The following NTNG1 variants were observed in gnomAD, a reference collection of about 807,000 sequenced individuals.
The protein encoded by NTNG1 is netrin-G1.
NTNG1 carries 16 observed loss-of-function variants against 54.0 expected under a neutral mutation model. The ratio of observed to expected loss-of-function variants is 0.30; its 90% CI spans 0.20 to 0.45. The LOEUF (loss-of-function observed/expected upper bound fraction) is 0.45, where lower values mean the gene tolerates loss of function less well. Ranked by LOEUF, NTNG1 falls within the 20% of genes least tolerant of loss-of-function variation. NTNG1 has a pLI of 1.00. For synonymous variants in NTNG1, 255 were observed against 263.1 expected, an observed-to-expected ratio of 0.97 and a Z score of 0.30; for missense variants, 530 against 678.7, an observed-to-expected ratio of 0.78 and a Z score of 2.43.
intron 3 of NTNG1, among the ~76,000 whole-genome samples, chr1:107,362,071 T>G (rs1208145011): frequency 6.6e-6 from 1 of 152,112 alleles, no homozygotes; most frequent in Non-Finnish European, 1.5e-5. Flanking sequence ...TCTCATGCTC[T>G]TGTACCACCA....
At chr1:107,391,160 T>C (rs982536186) in intron 3 of NTNG1, among the ~76,000 whole-genome samples, 5 of 152,002 alleles carry the variant, frequency 3.3e-5, no homozygotes, top group Admixed American at 2.6e-4. Flanking sequence ...AAGAACTAAG[T>C]GTAGAGTTAG....
chr1:107,208,859 C>T (rs1255657516), intron 2 of NTNG1, among the ~76,000 whole-genome samples: 1 of 152,026 alleles, frequency 6.6e-6, no homozygotes, highest in East Asian at 1.9e-4. Flanking sequence ...TTCCATATGC[C>T]TTTTTTCTGG....
At chr1:107,411,471 T>C (rs533515124) in intron 5 of NTNG1, among the ~76,000 whole-genome samples, 7 of 152,290 alleles carry the variant, frequency 4.6e-5, no homozygotes, top group Admixed American at 1.3e-4. Flanking sequence ...TTTTGTGCAG[T>C]CTTGATTTAT....
chr1:107,194,587 T>C (rs1366351090), intron 2 of NTNG1, among the ~76,000 whole-genome samples: 2 of 151,964 alleles, frequency 1.3e-5, no homozygotes, highest in Admixed American at 6.6e-5. Context: ...GAAAAGAAAA[T>C]GCAAAATGTT....
intron 2 of NTNG1, among the ~76,000 whole-genome samples, chr1:107,198,639 G>T (rs1658513043): frequency 6.6e-6 from 1 of 151,766 alleles, no homozygotes; most frequent in Non-Finnish European, 1.5e-5. Flanking sequence ...CTTAGAACTG[G>T]GGACTCAGGG....
chr1:107,208,319 A>G (rs1205908987), intron 2 of NTNG1, among the ~76,000 whole-genome samples: 1 of 151,802 alleles, frequency 6.6e-6, no homozygotes, highest in Non-Finnish European at 1.5e-5. Context: ...AATCCCAGCT[A>G]CTCAGGAGGC....
At chr1:107,142,668 C>G (rs533210307) in intron 1 of NTNG1, among the ~76,000 whole-genome samples, 5 of 136,928 alleles carry the variant, frequency 3.7e-5, no homozygotes, top group Non-Finnish European at 7.8e-5. Flanking sequence ...TTTTATCTTA[C>G]AGAAATGAAA....
intron 3 of NTNG1, among the ~76,000 whole-genome samples, chr1:107,333,187 A>C (rs957695571): frequency 2.0e-5 from 3 of 152,014 alleles, no homozygotes; most frequent in African/African-American, 7.2e-5. Flanking sequence ...GGATTTTAAA[A>C]TCATTATCTA....
intron 6 of NTNG1, among the ~76,000 whole-genome samples, chr1:107,433,478 A>G (rs1425761554): frequency 1.3e-5 from 2 of 152,176 alleles, no homozygotes; most frequent in Non-Finnish European, 2.9e-5. Context: ...CTCGAGAGGT[A>G]GAGGTTGCAG....
chr1:107,395,211 C>G lies in NTNG1; in HGVS notation c.945C>G (p.Cys315Trp). 6.2e-7 allele frequency: 1 copy of G among 1,613,260 alleles called. No homozygotes were observed. The highest frequency in any genetic ancestry group is 8.5e-7 in the Non-Finnish European group (1 of 1,179,424). The change falls in exon 4 of 8, where the codon TGC becomes TGG. Residue 315 changes from cysteine to tryptophan, a missense_variant. Cys to Trp is a radical substitution (Grantham distance 215, BLOSUM62 -2). Transcript: ENST00000370068. ...VCVYDNSKLT[C>W]ECEHNTTGPD... ...TGTATGACAACAGCAAATTGACATG[C>G]GAATGTGAGCACAACACTACAGGTC...
At chr1:107,413,161 T>C (rs1673948667) in intron 5 of NTNG1, among the ~76,000 whole-genome samples, 1 of 151,496 alleles carries the variant, frequency 6.6e-6, no homozygotes, top group Non-Finnish European at 1.5e-5. Context: ...TGTTCATTTT[T>C]TTTTTCATTT....
chr1:107,356,736 C>T (rs1387785659), intron 3 of NTNG1, among the ~76,000 whole-genome samples: 1 of 151,886 alleles, frequency 6.6e-6, no homozygotes. Context: ...CTGGTGGTGG[C>T]TCATGCCTGT....
At chr1:107,417,458 G>A (rs891302394) in intron 5 of NTNG1, among the ~76,000 whole-genome samples, 1 of 152,076 alleles carries the variant, frequency 6.6e-6, no homozygotes, top group East Asian at 1.9e-4. Context: ...TAGCCACTTG[G>A]TATCTATTTC....
chr1:107,354,242 G>A (rs776653023), intron 3 of NTNG1, among the ~76,000 whole-genome samples: 111 of 151,986 alleles, frequency 7.3e-4, no homozygotes, highest in African/African-American at 2.4e-3. Context: ...AGGCTGAAGC[G>A]GGCAGATCAT....
intron 2 of NTNG1, among the ~76,000 whole-genome samples, chr1:107,274,214 A>G (rs901909208): frequency 6.6e-6 from 1 of 152,230 alleles, no homozygotes. Flanking sequence ...GGCTGTTTCC[A>G]GGGCCCATTC....
intron 3 of NTNG1, among the ~76,000 whole-genome samples, chr1:107,361,324 T>C (rs1670263212): frequency 7.0e-6 from 1 of 142,960 alleles, no homozygotes; most frequent in Non-Finnish European, 1.5e-5. Context: ...ATATAACATA[T>C]ATAATCATTA....
intron 7 of NTNG1, among the ~76,000 whole-genome samples, chr1:107,475,960 CAA>C (rs1678294851): frequency 6.6e-6 from 1 of 152,182 alleles, no homozygotes; most frequent in Non-Finnish European, 1.5e-5. Flanking sequence ...GACTGACATC[CAA>C]AGACATCCAT....
chr1:107,258,442 TA>T (rs1287400604), intron 2 of NTNG1, among the ~76,000 whole-genome samples: 1 of 152,008 alleles, frequency 6.6e-6, no homozygotes, highest in Non-Finnish European at 1.5e-5. Flanking sequence ...TGCATTTTAT[TA>T]AAAAAAATAA....
At chr1:107,440,762 A>G (rs1436994632) in intron 7 of NTNG1, among the ~76,000 whole-genome samples, 2 of 152,140 alleles carry the variant, frequency 1.3e-5, no homozygotes, top group African/African-American at 2.4e-5. Flanking sequence ...CCCCAAAGCA[A>G]TTATGGGGTT....
Sources: allele counts gnomAD v4.1 joint callset (sites outside exome capture counted in the v4.1 genomes callset), GRCh38; gene constraint gnomAD v4.1.1; transcripts MANE v1.5; gene names NCBI Gene and HGNC (gene_info 2026-07-23, HGNC 2026-07-21).